UTP4: variants seen among roughly 807,000 people sequenced by gnomAD.
UTP4 encodes the protein U3 small nucleolar RNA-associated protein 4 homolog.
In UTP4, 45 loss-of-function variants were observed where a neutral mutation model predicts 82.4. The ratio of observed to expected loss-of-function variants is 0.55; its 90% confidence interval spans 0.43 to 0.70. The LOEUF is 0.70. UTP4 is among the 30% of genes least tolerant of loss of function. The pLI, the probability that UTP4 is intolerant of heterozygous loss-of-function variation, is 0.00. For missense variants in UTP4, 819 were observed against 858.3 expected (o/e 0.95, Z 0.57); for synonymous variants, 348 against 300.3 (o/e 1.16, Z -1.64).
At chr16:69,139,344 A>T (rs1306900269) in intron 4 of UTP4, among the ~76,000 whole-genome samples, 1 of 152,030 alleles carries the variant, frequency 6.6e-6, no homozygotes, top group Non-Finnish European at 1.5e-5. Flanking sequence ...ATGAAATAGA[A>T]AATAGGTGTC....
chr16:69,157,273 TGTC>T lies in UTP4; in HGVS notation c.1444+36_1444+38del, dbSNP rs766117427. On this transcript the variant is annotated intron_variant, in intron 12 of 16. Transcript: ENST00000314423. ...TCTGGTAACTGGCCATGGGGAGACT[TGTC>T]GTGTCTAAGATGTAACTTTTTTGCT... 6 of 1,611,224 alleles carry T rather than the reference TGTC, an allele frequency of 3.7e-6. No homozygotes were observed. The African/African-American group carries it at 4.0e-5, about 11-fold the overall frequency.
intron 16 of UTP4, 40 bp from the exon 17 acceptor site, chr16:69,168,781 G>C: frequency 7.8e-7 from 1 of 1,288,922 alleles, no homozygotes; most frequent in South Asian, 1.2e-5. Flanking sequence ...ACTAGCCCTG[G>C]ATCCTAAGTC....
intron 13 of UTP4, among the ~76,000 whole-genome samples, chr16:69,162,404 C>T (rs1356345175): frequency 3.3e-5 from 5 of 151,698 alleles, no homozygotes; most frequent in African/African-American, 2.4e-5. Flanking sequence ...AGTGAGACCC[C>T]GTTTCTACTA....
intron 4 of UTP4, among the ~76,000 whole-genome samples, chr16:69,138,231 CTTTCT>C (rs1227117580): frequency 7.4e-6 from 1 of 135,288 alleles, no homozygotes; most frequent in Non-Finnish European, 1.6e-5. Flanking sequence ...TGGTTCTTTT[CTTTCT>C]TTTTTTTTTT....
chr16:69,165,548 C>T, intron 15 of UTP4, 22 bp downstream of exon 15: 2 of 1,595,322 alleles, frequency 1.3e-6, no homozygotes, highest in Non-Finnish European at 1.7e-6. Context: ...ACTGCTACCT[C>T]CCAAATCTTC....
At chr16:69,167,899 A>C (rs989106172) in intron 16 of UTP4, 1 of 152,214 alleles carries the variant, frequency 6.6e-6, no homozygotes, top group Non-Finnish European at 1.5e-5. Context: ...CTGTAGTCCC[A>C]GCTGCTCAAG....
At chr16:69,133,687 G>C in intron 2 of UTP4, 69 bp downstream of exon 2, 1 of 1,520,062 alleles carries the variant, frequency 6.6e-7, no homozygotes, top group Non-Finnish European at 9.1e-7. Flanking sequence ...AAGCTTGTAT[G>C]TCTTTTATAA....
intron 8 of UTP4, among the ~76,000 whole-genome samples, chr16:69,151,693 T>G (rs1963274030): frequency 6.6e-6 from 1 of 151,898 alleles, no homozygotes; most frequent in Non-Finnish European, 1.5e-5. Context: ...CCTTCTTCAT[T>G]CCTTCTGTTT....
At chr16:69,165,747 G>A in intron 15 of UTP4, 2 of 622,622 alleles carry the variant, frequency 3.2e-6, no homozygotes, top group South Asian at 1.9e-5. Context: ...GAAGGGGCTG[G>A]CCTTTGTATA....
At chr16:69,167,630 A>C in intron 16 of UTP4, 1 of 163,902 alleles carries the variant, frequency 6.1e-6, no homozygotes, top group Non-Finnish European at 1.3e-5. Context: ...AAACCCCATC[A>C]CTATTAACAA....
At position 69,139,846 on chromosome 16, in the gene UTP4, G is replaced by C. The variant is rs1161906479; in HGVS notation, c.458G>C (p.Trp153Ser). ...RQKSRILSLS[W>S]HPSGTHIAAG... ...CAAGGTCGCATCCTGAGTCTCAGCT[G>C]GCATCCCTCTGGTACCCACATTGCA... Residue 153 changes from tryptophan to serine, a missense_variant, in exon 5 of 17, where the codon TGG becomes TCG. Coordinates refer to ENST00000314423, the MANE Select transcript of UTP4 (RefSeq NM_032830.3). The C allele has an allele frequency of 6.2e-7, 1 of 1,613,692 alleles. No individual in the cohort carries two copies. Among genetic ancestry groups the C allele is most frequent in the African/African-American group, 1.3e-5 (1 of 74,962 alleles).
intron 14 of UTP4, among the ~76,000 whole-genome samples, 189 bp from the exon 15 acceptor site, chr16:69,165,152 G>A (rs549424029): frequency 6.6e-6 from 1 of 151,222 alleles, no homozygotes; most frequent in East Asian, 1.9e-4. Flanking sequence ...CGGAGATCAC[G>A]CCACTACACT....
chr16:69,133,722 G>A, intron 2 of UTP4, 104 bp downstream of exon 2: 2 of 1,238,562 alleles, frequency 1.6e-6, no homozygotes, highest in Non-Finnish European at 2.3e-6. Context: ...TGACTTCCTA[G>A]CCCCTCTGAA....
chr16:69,160,258 A>T, intron 12 of UTP4, 98 bp from the exon 13 acceptor site: 1 of 894,274 alleles, frequency 1.1e-6, no homozygotes, highest in South Asian at 1.3e-5. Context: ...AGTGATTTAA[A>T]ACTCTAATGG....
intron 16 of UTP4, 68 bp from the exon 17 acceptor site, chr16:69,168,753 A>G (rs2152285290): frequency 4.2e-6 from 4 of 950,576 alleles, no homozygotes; most frequent in Non-Finnish European, 7.0e-6. Context: ...GTGTCTACCT[A>G]CAGTCAGTTC....
chr16:69,144,504 G>A (rs776923809), intron 6 of UTP4, among the ~76,000 whole-genome samples: 8 of 152,258 alleles, frequency 5.3e-5, no homozygotes, highest in African/African-American at 1.7e-4. Flanking sequence ...TTTCTATGAC[G>A]TAAATATTGT....
intron 4 of UTP4, among the ~76,000 whole-genome samples, chr16:69,138,581 A>G (rs1255782669): frequency 6.6e-6 from 1 of 152,162 alleles, no homozygotes; most frequent in African/African-American, 2.4e-5. Flanking sequence ...TTCAAGTTGA[A>G]TGAGGGAGTT....
chr16:69,158,869 C>T (rs16958668), intron 12 of UTP4, among the ~76,000 whole-genome samples: 7,377 of 152,166 alleles, frequency 0.048, 200 homozygotes, highest in South Asian at 0.073. Flanking sequence ...CGCATTTTGG[C>T]ATAGAGCATC....
intron 11 of UTP4, among the ~76,000 whole-genome samples, chr16:69,156,358 C>T (rs930954084): frequency 6.6e-6 from 1 of 151,408 alleles, no homozygotes; most frequent in Non-Finnish European, 1.5e-5. Flanking sequence ...TTTCACCACC[C>T]GTTGGCCATG....
Sources: gnomAD v4.1 joint callset for allele counts (sites outside exome capture counted in the v4.1 genomes callset) on GRCh38, gnomAD v4.1.1 for gene constraint, MANE v1.5 for transcripts, NCBI Gene and HGNC (gene_info 2026-07-23, HGNC 2026-07-21) for gene names.